ADAM32: variants seen among roughly 807,000 people sequenced by gnomAD.
ADAM32 encodes ADAM metallopeptidase domain 32, also known as disintegrin and metalloproteinase domain-containing protein 32.
A neutral mutation model predicts 114.9 loss-of-function variants in ADAM32; 89 were observed. The ratio of observed to expected loss-of-function variants is 0.77; its 90% confidence interval spans 0.65 to 0.92. The LOEUF is 0.92. Ranked by LOEUF, ADAM32 falls within the 40% of genes least tolerant of loss-of-function variation. The pLI is 0.00. For synonymous variants in ADAM32, 285 were observed against 307.5 expected, an observed-to-expected ratio of 0.93 and a Z score of 0.77; for missense variants, 870 against 932.8, an observed-to-expected ratio of 0.93 and a Z score of 0.88.
intron 6 of ADAM32, among the ~76,000 whole-genome samples, chr8:39,155,185 G>A (rs2129445727): frequency 6.6e-6 from 1 of 152,260 alleles, no homozygotes; most frequent in East Asian, 1.9e-4. Context: ...GATGCCCTCT[G>A]GCATCACTCC....
At chr8:39,226,667 G>A (rs1322880318) in intron 14 of ADAM32, among the ~76,000 whole-genome samples, 2 of 151,888 alleles carry the variant, frequency 1.3e-5, no homozygotes, top group African/African-American at 4.8e-5. Context: ...ACTTTATCTG[G>A]CAAAGCTCTT....
At chr8:39,280,935 ACCACAC>A (rs1813378481) in intron 22 of ADAM32, among the ~76,000 whole-genome samples, 195 bp from the exon 23 acceptor site, 1 of 151,736 alleles carries the variant, frequency 6.6e-6, no homozygotes, top group Non-Finnish European at 1.5e-5. Flanking sequence ...GGCGCCCGCC[ACCACAC>A]CTGGCTAATT....
chr8:39,154,052 A>ATATATATATATATATATATATATAT (rs1554601830), intron 6 of ADAM32, among the ~76,000 whole-genome samples: 2 of 149,752 alleles, frequency 1.3e-5, no homozygotes, highest in Admixed American at 6.7e-5. Context: ...ATATATATGT[A>ATATATATATATATATATATATATAT]ATTATACTTT....
intron 16 of ADAM32, among the ~76,000 whole-genome samples, chr8:39,237,969 C>T (rs569873803): frequency 2.6e-5 from 4 of 152,282 alleles, no homozygotes; most frequent in Admixed American, 1.3e-4. Flanking sequence ...GGAGGCCAGC[C>T]AACTCAAGCC....
rs1813681615 is a variant in ADAM32, at chr8:39,284,887, A to G, written c.*88A>G. 6.5e-7 allele frequency: 1 copy of G among 1,530,948 alleles called. No individual in the cohort carries two copies. Among genetic ancestry groups the G allele is most frequent in the South Asian group, 1.1e-5 (1 of 87,176 alleles). 94.8% of individuals were successfully genotyped at this position (1,530,948 alleles called of 1,614,324 possible). ...TTCCTTCCGTGGTCACAGCTGAAAG[A>G]AACAATAAATTGAGTGTGGATCAAT... On this transcript the variant is annotated 3_prime_UTR_variant, in exon 25 of 25. Transcript: ENST00000379907.
chr8:39,202,548 A>G (rs1807498096), intron 11 of ADAM32, among the ~76,000 whole-genome samples: 2 of 152,016 alleles, frequency 1.3e-5, no homozygotes, highest in African/African-American at 2.4e-5. Flanking sequence ...CTAGCAGTCT[A>G]TCAATTTTGT....
At chr8:39,229,910 A>G (rs1375662590) in intron 14 of ADAM32, among the ~76,000 whole-genome samples, 2 of 152,210 alleles carry the variant, frequency 1.3e-5, no homozygotes, top group African/African-American at 2.4e-5. Context: ...TTAACAATGC[A>G]TGGAACTCAC....
intron 14 of ADAM32, among the ~76,000 whole-genome samples, chr8:39,227,911 C>A (rs1809490964): frequency 6.6e-6 from 1 of 152,200 alleles, no homozygotes; most frequent in Non-Finnish European, 1.5e-5. Context: ...AAGCTAAGAA[C>A]CCTCATGGAG....
At chr8:39,112,931 C>T (rs1435381911) in intron 1 of ADAM32, among the ~76,000 whole-genome samples, 1 of 152,238 alleles carries the variant, frequency 6.6e-6, no homozygotes, top group East Asian at 1.9e-4. Flanking sequence ...TCCTCCATCC[C>T]TGTGTGTGCT....
At chr8:39,115,573 C>T (rs1165223594) in intron 1 of ADAM32, among the ~76,000 whole-genome samples, 2 of 151,260 alleles carry the variant, frequency 1.3e-5, no homozygotes, top group Non-Finnish European at 2.9e-5. Flanking sequence ...ATGTCATTGG[C>T]CCATTTTTTA....
chr8:39,244,163 A>C (rs1242947936), intron 16 of ADAM32, among the ~76,000 whole-genome samples: 1 of 152,218 alleles, frequency 6.6e-6, no homozygotes, highest in East Asian at 1.9e-4. Context: ...GGATGGGTAG[A>C]ATCAATATTG....
chr8:39,262,364 T>G (rs1450602331), intron 19 of ADAM32, among the ~76,000 whole-genome samples: 1 of 152,184 alleles, frequency 6.6e-6, no homozygotes, highest in Admixed American at 6.5e-5. Flanking sequence ...TGTAGATATG[T>G]GGATTAATTT....
chr8:39,202,399 T>C (rs1448322409), intron 11 of ADAM32, among the ~76,000 whole-genome samples: 1 of 152,226 alleles, frequency 6.6e-6, no homozygotes, highest in African/African-American at 2.4e-5. Flanking sequence ...TTCTAGATTT[T>C]CTAGTTTATT....
chr8:39,284,544 T>C (rs903393798), intron 24 of ADAM32, among the ~76,000 whole-genome samples: 1 of 151,804 alleles, frequency 6.6e-6, no homozygotes, highest in Non-Finnish European at 1.5e-5. Context: ...TATGAAAAAA[T>C]TTTAATTTTT....
intron 19 of ADAM32, among the ~76,000 whole-genome samples, chr8:39,266,643 G>T (rs1812378323): frequency 6.6e-6 from 1 of 152,150 alleles, no homozygotes; most frequent in Admixed American, 6.5e-5. Flanking sequence ...AGTATTATAT[G>T]TCTGTCATTA....
intron 12 of ADAM32, among the ~76,000 whole-genome samples, chr8:39,213,130 TC>T (rs1808340664): frequency 6.6e-6 from 1 of 152,146 alleles, no homozygotes; most frequent in African/African-American, 2.4e-5. Flanking sequence ...TATTAACAAA[TC>T]CATCACCTCA....
At chr8:39,246,265 ACT>A (rs1045817036) in intron 17 of ADAM32, 99 bp downstream of exon 17, 3 of 955,100 alleles carry the variant, frequency 3.1e-6, no homozygotes, top group African/African-American at 3.3e-5. Context: ...CATGTGACAG[ACT>A]CTGTTGCATC....
At chr8:39,193,877 G>A (rs1036820736) in intron 11 of ADAM32, among the ~76,000 whole-genome samples, 3 of 152,186 alleles carry the variant, frequency 2.0e-5, no homozygotes, top group African/African-American at 7.2e-5. Context: ...CTGTGGAGGA[G>A]CCATGGTGCT....
chr8:39,263,716 G>A (rs1812184449), intron 19 of ADAM32, among the ~76,000 whole-genome samples: 1 of 152,136 alleles, frequency 6.6e-6, no homozygotes. Flanking sequence ...CCCCACTCGA[G>A]CTCTGGGCAC....
Sources: gnomAD v4.1 joint callset for allele counts (sites outside exome capture counted in the v4.1 genomes callset) on GRCh38, gnomAD v4.1.1 for gene constraint, MANE v1.5 for transcripts, NCBI Gene and HGNC (gene_info 2026-07-23, HGNC 2026-07-21) for gene names.